The following SCD5 variants were observed in gnomAD, a reference collection of about 807,000 sequenced individuals.
SCD5 encodes the protein acyl-CoA-desaturase 4.
A neutral mutation model predicts 30.4 loss-of-function variants in SCD5; 20 were observed. That is an observed-to-expected ratio of 0.66 (90% CI 0.46 to 0.96). The LOEUF (loss-of-function observed/expected upper bound fraction) is 0.96, where lower values mean the gene tolerates loss of function less well. SCD5 is among the 40% of genes least tolerant of loss of function. The pLI is 0.00. For missense variants in SCD5, 381 were observed against 443.3 expected, an observed-to-expected ratio of 0.86 and a Z score of 1.26; for synonymous variants, 173 against 176.4, an observed-to-expected ratio of 0.98 and a Z score of 0.16.
intron 1 of SCD5, among the ~76,000 whole-genome samples, chr4:82,743,057 A>G (rs1720910306): frequency 6.6e-6 from 1 of 152,160 alleles, no homozygotes; most frequent in Non-Finnish European, 1.5e-5. Flanking sequence ...AGCCCTTTCC[A>G]CTGAGACTCC....
chr4:82,658,630 C>CTTTTTTTTTTTTTT lies in SCD5; in HGVS notation c.570-21821_570-21808dup, dbSNP rs57727794. On this transcript the variant is annotated intron_variant, in intron 3 of 4. Coordinates refer to ENST00000319540, the MANE Select transcript of SCD5 (RefSeq NM_001037582.3). The stretch of plus-strand genomic sequence containing the variant: ...TACAAGTGTGTGCTACCACACCTGG[C>CTTTTTTTTTTTTTT]TTTTTTTTTTTTTTTTTTTTTTTTT... Among the ~76,000 whole-genome samples, 9 of 116,942 alleles carry CTTTTTTTTTTTTTT rather than the reference C, an allele frequency of 7.7e-5. 1 individual carries two copies. The highest frequency in any genetic ancestry group is 4.3e-3 in the Middle Eastern group (1 of 232). 76.7% of individuals were successfully genotyped at this position (116,942 alleles called of 152,430 possible). A position where few individuals can be genotyped will look rare whatever the true frequency, so the allele number is the denominator to read the frequency against.
chr4:82,743,302 G>A (rs765950804), intron 1 of SCD5, among the ~76,000 whole-genome samples: 1 of 152,012 alleles, frequency 6.6e-6, no homozygotes, highest in Non-Finnish European at 1.5e-5. Flanking sequence ...TTGAAGTCAG[G>A]AATTCAAGAC....
Position 82,679,284 on chromosome 4 carries a change from G to GA in SCD5, c.569+1422dup, listed in dbSNP as rs1560531773. 9.1e-5 allele frequency among the ~76,000 whole-genome samples: 11 copies of GA among 120,972 alleles called. 1 individual carries two copies. Among genetic ancestry groups the GA allele is most frequent in the African/African-American group, 3.1e-4 (10 of 32,608 alleles). 79.4% of individuals were successfully genotyped at this position (120,972 alleles called of 152,430 possible). On this transcript the variant is annotated intron_variant, in intron 3 of 4. Coordinates refer to ENST00000319540, the MANE Select transcript of SCD5 (RefSeq NM_001037582.3). The stretch of plus-strand genomic sequence containing the variant: ...AGAAGGAAGGAAAGAAAGAAAGAAG[G>GA]AAGGAAAGAAAGAAAGAAAACATCT...
At chr4:82,707,804 T>C (rs1384157548) in intron 1 of SCD5, among the ~76,000 whole-genome samples, 3 of 152,208 alleles carry the variant, frequency 2.0e-5, no homozygotes, top group Non-Finnish European at 4.4e-5. Context: ...GGCAAGATTG[T>C]AGCCCTGACC....
intron 3 of SCD5, among the ~76,000 whole-genome samples, chr4:82,664,999 C>CTCTCTATA (rs1219554314): frequency 3.2e-3 from 229 of 70,482 alleles, no homozygotes; most frequent in African/African-American, 4.4e-3. Context: ...CTCTCTCTCT[C>CTCTCTATA]TATATATATA....
chr4:82,663,339 C>A (rs1216027632), intron 3 of SCD5, among the ~76,000 whole-genome samples: 1 of 152,158 alleles, frequency 6.6e-6, no homozygotes, highest in East Asian at 1.9e-4. Context: ...GCCTCGGACA[C>A]AAAAGAGTTT....
chr4:82,750,574 GGA>G (rs1051557968), intron 1 of SCD5, among the ~76,000 whole-genome samples: 4 of 152,118 alleles, frequency 2.6e-5, no homozygotes, highest in African/African-American at 7.2e-5. Flanking sequence ...GGGAAGCCAT[GGA>G]GAGTCTTTTG....
intron 1 of SCD5, among the ~76,000 whole-genome samples, chr4:82,750,473 G>T (rs1721078432): frequency 6.6e-6 from 1 of 152,188 alleles, no homozygotes. Flanking sequence ...AGCACACTTT[G>T]TAAAGATTAA....
chr4:82,681,256 A>G (rs1728566956), intron 2 of SCD5, among the ~76,000 whole-genome samples: 1 of 152,204 alleles, frequency 6.6e-6, no homozygotes, highest in Middle Eastern at 3.4e-3. Context: ...AAGAAAAAAG[A>G]GATCTTTTTT....
At chr4:82,650,429 T>C (rs1277330109) in intron 3 of SCD5, among the ~76,000 whole-genome samples, 1 of 152,192 alleles carries the variant, frequency 6.6e-6, no homozygotes, top group Non-Finnish European at 1.5e-5. Flanking sequence ...GCACAGTGGC[T>C]CATGCCTGTA....
intron 3 of SCD5, among the ~76,000 whole-genome samples, chr4:82,664,870 A>G (rs1728133055): frequency 6.6e-6 from 1 of 151,206 alleles, no homozygotes; most frequent in African/African-American, 2.4e-5. Context: ...TCATGCCTGT[A>G]ATCTCAGCAC....
Position 82,798,514 on chromosome 4 carries a change from C to T in SCD5, c.24G>A (p.Ala8=). The T allele has an allele frequency of 1.2e-6, 2 of 1,604,382 alleles. No individual in the cohort carries two copies. The highest frequency in any genetic ancestry group is 8.5e-7 in the Non-Finnish European group (1 of 1,176,018). Residue 8 remains alanine, a synonymous_variant, in exon 1 of 5, where the codon GCG becomes GCA. Transcript: ENST00000319540. The part of the protein sequence containing the change: MPGPATD[A]GKIPFCDAKE... ...TGGCGTCGCAGAAAGGGATCTTCCC[C>T]GCGTCGGTGGCCGGGCCTGGCATGG... is the stretch of plus-strand genomic sequence containing the variant.
intron 1 of SCD5, among the ~76,000 whole-genome samples, chr4:82,761,153 T>TTGGTCCTCTA: frequency 6.6e-6 from 1 of 152,210 alleles, no homozygotes; most frequent in Non-Finnish European, 1.5e-5. Context: ...GTCCTCTGGT[T>TTGGTCCTCTA]ATCAAAGTCT....
At chr4:82,738,003 G>A (rs1017425819) in intron 1 of SCD5, among the ~76,000 whole-genome samples, 2 of 148,116 alleles carry the variant, frequency 1.4e-5, no homozygotes, top group South Asian at 2.1e-4. Flanking sequence ...CTTTTTGCAC[G>A]CATCACCCAA....
intron 1 of SCD5, among the ~76,000 whole-genome samples, chr4:82,711,997 C>T (rs942310426): frequency 6.6e-6 from 1 of 151,470 alleles, no homozygotes; most frequent in African/African-American, 2.4e-5. Context: ...ATAATAAGAG[C>T]TACCATTGAC....
At chr4:82,740,584 T>C (rs898370454) in intron 1 of SCD5, among the ~76,000 whole-genome samples, 2 of 152,192 alleles carry the variant, frequency 1.3e-5, no homozygotes, top group Non-Finnish European at 2.9e-5. Flanking sequence ...ACTTCATTAA[T>C]GAAAGCACCT....
At chr4:82,685,727 CA>C (rs1424166228) in intron 2 of SCD5, among the ~76,000 whole-genome samples, 102 of 127,902 alleles carry the variant, frequency 8.0e-4, no homozygotes, top group South Asian at 4.7e-3. Context: ...ACAAAACAAA[CA>C]AAAAAAAAAA....
chr4:82,653,130 G>A (rs1009746569), intron 3 of SCD5, among the ~76,000 whole-genome samples: 5 of 152,138 alleles, frequency 3.3e-5, no homozygotes, highest in African/African-American at 7.2e-5. Context: ...CTCCAGCCTC[G>A]GCAACAAAGT....
chr4:82,677,994 C>G (rs965823129), intron 3 of SCD5, among the ~76,000 whole-genome samples: 3 of 152,014 alleles, frequency 2.0e-5, no homozygotes, highest in African/African-American at 7.3e-5. Context: ...CCAGAGCCAT[C>G]TCTCTCCTGT....
Sources: gnomAD v4.1 joint callset for allele counts (sites outside exome capture counted in the v4.1 genomes callset) on GRCh38, gnomAD v4.1.1 for gene constraint, MANE v1.5 for transcripts, NCBI Gene and HGNC (gene_info 2026-07-23, HGNC 2026-07-21) for gene names.